Variants in OR7C1 observed in about 807,000 individuals in gnomAD.
The protein encoded by OR7C1 is olfactory receptor 7C1.
For missense variants in OR7C1, 324 were observed against 383.3 expected, an observed-to-expected ratio of 0.85 and a Z score of 1.29; for synonymous variants, 152 against 160.7, an observed-to-expected ratio of 0.95 and a Z score of 0.41.
chr19:14,820,981 T>C (rs1017158128), intron 1 of OR7C1, among the ~76,000 whole-genome samples: 11 of 152,154 alleles, frequency 7.2e-5, no homozygotes, highest in African/African-American at 2.2e-4. Flanking sequence ...GGGCCGGGCA[T>C]GGTGGCTCAC....
chr19:14,833,690 T>C (rs924203662), intron 1 of OR7C1, among the ~76,000 whole-genome samples: 2 of 152,180 alleles, frequency 1.3e-5, no homozygotes, highest in East Asian at 3.8e-4. Context: ...TTTTAAACGC[T>C]GGTAACTGTA....
intron 2 of OR7C1, among the ~76,000 whole-genome samples, chr19:14,802,060 A>C (rs1281718860): frequency 6.6e-6 from 1 of 152,198 alleles, no homozygotes; most frequent in Admixed American, 6.5e-5. Context: ...TGAATCCTTA[A>C]TTTTTTAAAA....
Position 14,809,199 on chromosome 19 carries a change from A to G in OR7C1, c.-435+607T>C, listed in dbSNP as rs866269264. Among the ~76,000 whole-genome samples the G allele has an allele frequency of 3.9e-5, 6 of 152,120 alleles. No individual in the cohort carries two copies. In the South Asian group the frequency reaches 6.2e-4, roughly 16 times the overall value. ...GATTGATCCACAGAATGTAAGAAAC[A>G]TCTCTGGGGTCAGGTTCTAGAGGGA... On this transcript the variant is annotated intron_variant, in intron 2 of 4. Transcript: ENST00000641666.
In OR7C1 at chr19:14,827,006, C is replaced by T. The variant is rs994745141; in HGVS notation, c.-623+8068G>A. 3 of 271,976 alleles carry T rather than the reference C, an allele frequency of 1.1e-5. No homozygotes were observed. In the Admixed American group the frequency reaches 1.4e-4, roughly 13 times the overall value. 16.8% of individuals were successfully genotyped at this position (271,976 alleles called of 1,614,324 possible). A position where few individuals can be genotyped will look rare whatever the true frequency, so the allele number is the denominator to read the frequency against. On this transcript the variant is annotated intron_variant, in intron 1 of 4. Transcript: ENST00000641666. ...TGCCACAGGAGACATACAACTCTTCCCTGTATGAGACAAATGGAAATCTCC... is the reference window on the plus strand; with the variant it reads ...TGCCACAGGAGACATACAACTCTTCTCTGTATGAGACAAATGGAAATCTCC...
At chr19:14,831,920 C>G (rs190647385) in intron 1 of OR7C1, among the ~76,000 whole-genome samples, 141 of 152,148 alleles carry the variant, frequency 9.3e-4, no homozygotes, top group African/African-American at 3.4e-3. Flanking sequence ...TCTATTTATT[C>G]ATTGTTGAGA....
chr19:14,799,384 G>A, exon 5 of OR7C1: 1 of 1,614,064 alleles, frequency 6.2e-7, no homozygotes, highest in Non-Finnish European at 8.5e-7. Flanking sequence ...CCGTGCCATA[G>A]AACAAGGTGA....
chr19:14,823,324 T>G (rs2044750006), intron 1 of OR7C1, among the ~76,000 whole-genome samples: 1 of 152,086 alleles, frequency 6.6e-6, no homozygotes, highest in African/African-American at 2.4e-5. Context: ...TGGTGGCATG[T>G]GCCTGTAATC....
At chr19:14,818,611 AGT>A (rs1261150913) in intron 1 of OR7C1, among the ~76,000 whole-genome samples, 1 of 152,168 alleles carries the variant, frequency 6.6e-6, no homozygotes, top group African/African-American at 2.4e-5. Flanking sequence ...GCGAGTTTGC[AGT>A]GTTTTCATTC....
At chr19:14,831,513 T>C (rs8113008) in intron 1 of OR7C1, among the ~76,000 whole-genome samples, 29,225 of 151,900 alleles carry the variant, frequency 0.19, 3,461 homozygotes, top group African/African-American at 0.33. Context: ...GGTGCAATAT[T>C]GGCTCACTGC....
intron 1 of OR7C1, chr19:14,827,332 G>T: frequency 6.3e-7 from 1 of 1,584,484 alleles, no homozygotes; most frequent in African/African-American, 1.4e-5. Context: ...CACAACAAAT[G>T]TATTCCCAGA....
chr19:14,830,872 G>A (rs145479100), intron 1 of OR7C1, among the ~76,000 whole-genome samples: 8 of 152,184 alleles, frequency 5.3e-5, no homozygotes, highest in African/African-American at 1.4e-4. Context: ...TCCTGCACCC[G>A]TCTTATCACC....
chr19:14,799,200 C>T, exon 5 of OR7C1: 2 of 1,612,274 alleles, frequency 1.2e-6, no homozygotes, highest in South Asian at 1.1e-5. Context: ...GTGATGTCAC[C>T]ATTAAAAAAT....
At chr19:14,805,406 ATTTTT>A (rs33957500) in intron 2 of OR7C1, among the ~76,000 whole-genome samples, 2 of 98,058 alleles carry the variant, frequency 2.0e-5, no homozygotes, top group African/African-American at 4.1e-5. Flanking sequence ...CAGGAAAATA[ATTTTT>A]TTTTTTTTTT....
At chr19:14,799,015 C>G in exon 5 of OR7C1, 2 of 823,992 alleles carry the variant, frequency 2.4e-6, no homozygotes, top group Non-Finnish European at 3.4e-6. Context: ...TTGCCAAGGA[C>G]TCTGTGGCCC....
At chr19:14,830,379 T>C (rs1003164800) in intron 1 of OR7C1, among the ~76,000 whole-genome samples, 4 of 152,008 alleles carry the variant, frequency 2.6e-5, no homozygotes, top group African/African-American at 9.7e-5. Flanking sequence ...TCTAATAAAC[T>C]CAGGTAATCC....
intron 1 of OR7C1, among the ~76,000 whole-genome samples, chr19:14,813,558 A>T (rs572154181): frequency 1.8e-4 from 27 of 152,186 alleles, no homozygotes; most frequent in Non-Finnish European, 2.5e-4. Flanking sequence ...CCGTATCAAA[A>T]AAAAGATACT....
At chr19:14,816,410 G>A (rs1260217739) in intron 1 of OR7C1, among the ~76,000 whole-genome samples, 1 of 152,188 alleles carries the variant, frequency 6.6e-6, no homozygotes, top group African/African-American at 2.4e-5. Flanking sequence ...AGCTGCCAGT[G>A]TGGCTAGAAT....
chr19:14,824,190 A>G (rs570948398), intron 1 of OR7C1: 1 of 152,350 alleles, frequency 6.6e-6, no homozygotes, highest in South Asian at 2.1e-4. Flanking sequence ...GCATTCATGA[A>G]TCCCTTGAAA....
At chr19:14,820,212 A>T (rs1211479672) in intron 1 of OR7C1, among the ~76,000 whole-genome samples, 3 of 152,178 alleles carry the variant, frequency 2.0e-5, no homozygotes, top group Admixed American at 6.5e-5. Context: ...GCGCCGGGAT[A>T]GATCATTTAT....
Sources: allele counts gnomAD v4.1 joint callset (sites outside exome capture counted in the v4.1 genomes callset), GRCh38; gene constraint gnomAD v4.1.1; transcripts MANE v1.5; gene names NCBI Gene and HGNC (gene_info 2026-07-23, HGNC 2026-07-21).